The following SEZ6 variants were observed in gnomAD, a reference collection of about 807,000 sequenced individuals.
SEZ6 encodes the protein seizure related 6 homolog.
A neutral mutation model predicts 101.0 loss-of-function variants in SEZ6; 53 were observed. That is an observed-to-expected ratio of 0.52 (90% CI 0.42 to 0.66). SEZ6 has a LOEUF of 0.66. Ranked by LOEUF, SEZ6 falls within the 30% of genes least tolerant of loss-of-function variation. SEZ6 has a pLI of 0.00. For synonymous variants in SEZ6, 488 were observed against 512.2 expected, an observed-to-expected ratio of 0.95 and a Z score of 0.64; for missense variants, 1,102 against 1,289.4, an observed-to-expected ratio of 0.85 and a Z score of 2.23.
In SEZ6 at chr17:28,955,973, C is replaced by T. The variant is rs559443645; in HGVS notation, c.2974G>A (p.Glu992Lys). 1.6e-5 allele frequency: 25 copies of T among 1,612,430 alleles called. No individual in the cohort carries two copies. In the South Asian group the frequency reaches 1.7e-4, roughly 11 times the overall value. The change falls in exon 17 of 17, where the codon GAG becomes AAG. Residue 992 changes from glutamate (E) to lysine (K), a missense_variant. Physicochemically the swap from Glu to Lys is moderately conservative, Grantham distance 56 (BLOSUM62 1). Transcript: ENST00000317338. ...CCTAGATGGAGACTTCATATTCTCT[C>T]GTCTCCTGCAAAGGAAAGAGACTGC... is the stretch of plus-strand genomic sequence containing the variant. Reference protein sequence around the residue: ...ETGSLSFAGDERI With the variant: ...ETGSLSFAGDKRI
At position 29,000,563 on chromosome 17, in the gene SEZ6, G is replaced by A. The variant is rs577619966; in HGVS notation, c.55+5252C>T. ...CCCAGGGCCTGCTCTTTTAGGAGTT[G>A]TGGACCTGAATTATTGTGGTTCTGG... On this transcript the variant is annotated intron_variant, in intron 1 of 16. Transcript: ENST00000317338. Among the ~76,000 whole-genome samples, 7 of 152,316 alleles carry A rather than the reference G, an allele frequency of 4.6e-5. No homozygotes were observed. In the South Asian group the frequency reaches 1.4e-3, roughly 32 times the overall value.
In SEZ6 at chr17:28,963,946, TCCC is replaced by T. The variant is rs1289887321; in HGVS notation, c.1240+13_1240+15del. 6 of 1,538,898 alleles carry T rather than the reference TCCC, an allele frequency of 3.9e-6. No homozygotes were observed. Among genetic ancestry groups the T allele is most frequent in the Non-Finnish European group, 5.2e-6 (6 of 1,156,732 alleles). On this transcript the variant is annotated intron_variant, in intron 5 of 16. Transcript: ENST00000317338. ...CTTCTCTGCTCAGCACTGAGCCCTT[TCCC>T]CTGGGCACTCACCGATGCAGACGGG...
rs2040923917 is a variant in SEZ6, at chr17:28,958,714, CAG to C, written c.2107+309_2107+310del. Among the ~76,000 whole-genome samples, 5 of 151,670 alleles carry C rather than the reference CAG, an allele frequency of 3.3e-5. No homozygotes were observed. In the South Asian group the frequency reaches 1.0e-3, roughly 31 times the overall value. On this transcript the variant is annotated intron_variant, in intron 10 of 16. Transcript: ENST00000317338. ...ATGAGGCACGAGAATCGCTTGAGCC[CAG>C]GAGGTGGAGGTTGCAATGAACAGAG... is the stretch of plus-strand genomic sequence containing the variant.
At chr17:29,003,776 C>T (rs1250198590) in intron 1 of SEZ6, among the ~76,000 whole-genome samples, 2 of 152,188 alleles carry the variant, frequency 1.3e-5, no homozygotes, top group Admixed American at 6.5e-5. Flanking sequence ...GCTGCCTCTT[C>T]GTCTCCCTTG....
Position 28,981,875 on chromosome 17 carries a change from C to T in SEZ6, c.220G>A (p.Glu74Lys). 6.2e-7 allele frequency: 1 copy of T among 1,613,932 alleles called. No individual in the cohort carries two copies. The highest frequency in any genetic ancestry group is 1.1e-5 in the South Asian group (1 of 91,084). ...LKLLNHHPLL[E>K]EFLQEGLEKG... ...TCCAGCCCCTCTTGTAGGAATTCCT[C>T]AAGCAGCGGGTGGTGGTTGAGCAGC... The change falls in exon 2 of 17, where the codon GAG becomes AAG. Residue 74 changes from glutamate to lysine, a missense_variant. Physicochemically the swap from Glu to Lys is moderately conservative, Grantham distance 56. Transcript: ENST00000317338.
intron 1 of SEZ6, among the ~76,000 whole-genome samples, chr17:28,995,356 G>A (rs1165459113): frequency 6.6e-6 from 1 of 151,930 alleles, no homozygotes; most frequent in African/African-American, 2.4e-5. Flanking sequence ...GTGGGGGGGG[G>A]TGCATTAGGT....
In SEZ6 at chr17:28,981,995, C is replaced by G; in HGVS notation, c.100G>C (p.Gly34Arg). 6.2e-7 allele frequency: 1 copy of G among 1,611,734 alleles called. No homozygotes were observed. Among genetic ancestry groups the G allele is most frequent in the East Asian group, 2.2e-5 (1 of 44,870 alleles). ...AGCTCGCCATCTGTCTCCTCGATGC[C>G]TGGGGCTTGTCCTTTCCCCACGGTT... ...APTVGKGQAP[G>R]IEETDGELTA... The change falls in exon 2 of 17, where the codon GGC becomes CGC. Residue 34 changes from glycine (G) to arginine (R), a missense_variant. Gly to Arg is a moderately radical substitution (Grantham distance 125). Coordinates refer to ENST00000317338, the MANE Select transcript of SEZ6 (RefSeq NM_178860.5).
intron 1 of SEZ6, among the ~76,000 whole-genome samples, chr17:29,000,073 A>T (rs1443371929): frequency 6.6e-6 from 1 of 152,244 alleles, no homozygotes; most frequent in Non-Finnish European, 1.5e-5. Flanking sequence ...TCTCACAGAG[A>T]TGATAAGAGA....
chr17:28,967,970 A>T (rs1008238036), intron 4 of SEZ6, among the ~76,000 whole-genome samples: 1 of 152,152 alleles, frequency 6.6e-6, no homozygotes, highest in Non-Finnish European at 1.5e-5. Flanking sequence ...CTGAGGATGC[A>T]GGAGGGGGAT....
At chr17:28,990,557 G>C (rs2152691416) in intron 1 of SEZ6, among the ~76,000 whole-genome samples, 1 of 152,162 alleles carries the variant, frequency 6.6e-6, no homozygotes, top group South Asian at 2.1e-4. Context: ...GAGCCACTGT[G>C]CCTGGCAAGA....
intron 1 of SEZ6, among the ~76,000 whole-genome samples, chr17:29,001,650 C>G (rs1337585046): frequency 1.3e-5 from 2 of 152,234 alleles, no homozygotes; most frequent in Non-Finnish European, 2.9e-5. Flanking sequence ...GTTCATTTGA[C>G]TTGGCTAATT....
intron 1 of SEZ6, among the ~76,000 whole-genome samples, chr17:28,983,009 C>A (rs190706940): frequency 6.6e-6 from 1 of 152,178 alleles, no homozygotes; most frequent in Non-Finnish European, 1.5e-5. Context: ...AGTTTCTCTC[C>A]GTTCTCAGGA....
At chr17:28,956,541 A>G (rs1420917358) in intron 14 of SEZ6, 74 bp from the exon 15 acceptor site, 20 of 1,499,166 alleles carry the variant, frequency 1.3e-5, no homozygotes, top group Non-Finnish European at 1.5e-5. Flanking sequence ...CCTCTGCCCA[A>G]GGGCATCTGA....
intron 5 of SEZ6, among the ~76,000 whole-genome samples, chr17:28,961,795 C>A (rs1297440082): frequency 2.6e-5 from 4 of 152,186 alleles, no homozygotes; most frequent in Non-Finnish European, 5.9e-5. Context: ...CAGTGCTTTC[C>A]TCTCCTGGAC....
At chr17:28,993,033 G>T (rs8075871) in intron 1 of SEZ6, among the ~76,000 whole-genome samples, 1,623 of 152,122 alleles carry the variant, frequency 0.011, 30 homozygotes, top group African/African-American at 0.037. Context: ...TGGAGTGGGG[G>T]TTAGGTGAGA....
rs2041673816 is a variant in SEZ6 at position 29,005,402 on chromosome 17, G to A, written c.55+413C>T. ...GAGCGAAGTTTGGCGGGCGGCAGGG[G>A]AAGCGGGACCACGGGCCGCCAGCTG... On this transcript the variant is annotated intron_variant, in intron 1 of 16. Transcript: ENST00000317338. This position sits in a 1 kb window ranked among gnomAD's most constrained non-coding sequence, Gnocchi z 4.8. Among the ~76,000 whole-genome samples, 1 of 152,128 alleles carries A rather than the reference G, an allele frequency of 6.6e-6. No homozygotes were observed. Among genetic ancestry groups the A allele is most frequent in the Admixed American group, 6.5e-5 (1 of 15,288 alleles).
At chr17:28,956,884 G>T in intron 13 of SEZ6, 127 bp from the exon 14 acceptor site, 1 of 1,373,250 alleles carries the variant, frequency 7.3e-7, no homozygotes, top group South Asian at 1.3e-5. Context: ...TCCAGCATTT[G>T]TCTTGGTGAT....
At position 28,959,937 on chromosome 17, in the gene SEZ6, A is replaced by G. The variant is rs768554656; in HGVS notation, c.1577-45T>C. On this transcript the variant is annotated intron_variant, in intron 7 of 16. Transcript: ENST00000317338. This position sits in a 1 kb window ranked among gnomAD's most constrained non-coding sequence, Gnocchi z 4.4. Reference sequence around the variant, plus strand: ...GCCCAGCTCAGCCTTGACTGGTATTAAACACAGTGGGCAAGCATCCCCCTA... The same window carrying G: ...GCCCAGCTCAGCCTTGACTGGTATTGAACACAGTGGGCAAGCATCCCCCTA... The G allele has an allele frequency of 1.9e-5, 30 of 1,560,516 alleles. No homozygotes were observed. The African/African-American group carries it at 3.5e-4, about 18-fold the overall frequency.
Position 28,981,397 on chromosome 17 carries a change from G to A in SEZ6, c.698C>T (p.Thr233Ile). ...ETTTTTTIIT[T>I]TITTVQTPGP... ...TGGTGTCTGGACTGTGGTGATGGTG[G>A]TGGTGATGATGGTGGTGGTAGTGGT... Residue 233 changes from threonine to isoleucine, a missense_variant, in exon 2 of 17, where the codon ACC becomes ATC. By Grantham distance (89) the Thr-to-Ile change is moderately conservative. Coordinates refer to ENST00000317338, the MANE Select transcript of SEZ6 (RefSeq NM_178860.5). 1.9e-6 allele frequency: 3 copies of A among 1,552,590 alleles called. No individual in the cohort carries two copies. The highest frequency in any genetic ancestry group is 2.6e-6 in the Non-Finnish European group (3 of 1,147,328).
Sources: gnomAD v4.1 joint callset for allele counts (sites outside exome capture counted in the v4.1 genomes callset) on GRCh38, gnomAD v4.1.1 for gene constraint, Gnocchi (gnomAD v3.1) non-coding constraint, MANE v1.5 for transcripts, NCBI Gene and HGNC (gene_info 2026-07-23, HGNC 2026-07-21) for gene names.